The following RAB3GAP1 variants were observed in gnomAD, a reference collection of about 807,000 sequenced individuals.
The protein encoded by RAB3GAP1 is rab3 GTPase-activating protein catalytic subunit.
RAB3GAP1 carries 86 observed loss-of-function variants against 130.7 expected under a neutral mutation model. The observed-to-expected ratio is 0.66, with a 90% CI of 0.55 to 0.79. RAB3GAP1 has a LOEUF of 0.79. Among genes scored for constraint, RAB3GAP1 ranks in the 30% least tolerant of loss-of-function variants. The pLI is 0.00. For synonymous variants in RAB3GAP1, 367 were observed against 401.7 expected (o/e 0.91, Z 1.03); for missense variants, 1,029 against 1,169.4 (o/e 0.88, Z 1.75).
intron 17 of RAB3GAP1, among the ~76,000 whole-genome samples, chr2:135,144,233 A>G (rs1053975609): frequency 2.6e-5 from 4 of 152,182 alleles, no homozygotes; most frequent in African/African-American, 9.6e-5. Context: ...GTTGACAATC[A>G]AAGGGTAAGG....
intron 3 of RAB3GAP1, among the ~76,000 whole-genome samples, chr2:135,081,327 A>AAAAAAATAT (rs1363481112): frequency 1.2e-4 from 8 of 64,046 alleles, no homozygotes; most frequent in Admixed American, 5.7e-4. Context: ...AAAAAAAAAA[A>AAAAAAATAT]ATATATATAT....
Position 135,091,005 on chromosome 2 carries a change from T to C in RAB3GAP1, c.158T>C (p.Phe53Ser). ...TTTTATTGGTACATATAGGGTATAT[T>C]TACTTCTGGCACATGGGAAGAGAAA... ...SLGKPLEKGI[F>S]TSGTWEEKSD... Residue 53 changes from phenylalanine (F) to serine (S), a missense_variant, in exon 4 of 24, where the codon TTT (phenylalanine) becomes TCT (serine). Physicochemically the swap from Phe to Ser is radical, Grantham distance 155 (BLOSUM62 -2). Around this residue, in one of 3 missense-constraint regions of RAB3GAP1, gnomAD observed 510 missense variants for 532.1 expected, o/e 0.96. Transcript: ENST00000264158. 1 of 1,612,106 alleles carries C rather than the reference T, an allele frequency of 6.2e-7. No individual in the cohort carries two copies. Among genetic ancestry groups the C allele is most frequent in the Non-Finnish European group, 8.5e-7 (1 of 1,178,404 alleles).
intron 3 of RAB3GAP1, among the ~76,000 whole-genome samples, chr2:135,080,496 G>GC (rs1263423270): frequency 6.6e-6 from 1 of 152,144 alleles, no homozygotes; most frequent in African/African-American, 2.4e-5. Context: ...GCTAAGGTAG[G>GC]CCCAAGTGCC....
intron 5 of RAB3GAP1, among the ~76,000 whole-genome samples, chr2:135,107,116 A>G (rs1260643542): frequency 2.0e-5 from 3 of 151,336 alleles, no homozygotes; most frequent in Non-Finnish European, 4.4e-5. Context: ...AAAAAAAACC[A>G]CTGTTGACCA....
chr2:135,108,074 TTAAC>T (rs1460034728), intron 5 of RAB3GAP1, among the ~76,000 whole-genome samples: 2 of 151,974 alleles, frequency 1.3e-5, no homozygotes, highest in African/African-American at 4.8e-5. Flanking sequence ...CAAATATTGG[TTAAC>T]TTTTTGTTGT....
rs1033816076 is a variant in RAB3GAP1 at position 135,119,349 on chromosome 2, A to T, written c.649-1470A>T. ...GGTCTTGAACTCCTGATTTCAAATG[A>T]TCCACCCGCCTTGGCCTCCCAAAGT... On this transcript the variant is annotated intron_variant, in intron 7 of 23. Transcript: ENST00000264158. 6.6e-5 allele frequency among the ~76,000 whole-genome samples: 10 copies of T among 152,154 alleles called. 1 individual carries two copies. The highest frequency in any genetic ancestry group is 2.6e-4 in the Admixed American group (4 of 15,270).
intron 7 of RAB3GAP1, among the ~76,000 whole-genome samples, chr2:135,116,283 T>C (rs1311989024): frequency 6.6e-6 from 1 of 151,926 alleles, no homozygotes; most frequent in African/African-American, 2.4e-5. Context: ...TACAATGAAG[T>C]ATATCGATTA....
At chr2:135,134,368 A>G (rs1691625896) in intron 15 of RAB3GAP1, among the ~76,000 whole-genome samples, 1 of 152,256 alleles carries the variant, frequency 6.6e-6, no homozygotes, top group Non-Finnish European at 1.5e-5. Flanking sequence ...TAATGCATAT[A>G]CAAAGTACTT....
intron 3 of RAB3GAP1, among the ~76,000 whole-genome samples, chr2:135,067,012 A>T (rs1183865902): frequency 6.6e-6 from 1 of 152,224 alleles, no homozygotes; most frequent in East Asian, 1.9e-4. Flanking sequence ...TGGGAATGAC[A>T]CTTCAGTACT....
At chr2:135,167,826 C>A in intron 23 of RAB3GAP1, 1 of 857,592 alleles carries the variant, frequency 1.2e-6, no homozygotes, top group Non-Finnish European at 1.7e-6. Flanking sequence ...GCTTACCTAC[C>A]TTGCTGATGT....
intron 23 of RAB3GAP1, among the ~76,000 whole-genome samples, chr2:135,167,379 CTTT>C (rs112223600): frequency 3.6e-5 from 5 of 140,438 alleles, no homozygotes; most frequent in Admixed American, 7.1e-5. Flanking sequence ...GCCATGAACA[CTTT>C]TTTTTTTTTT....
chr2:135,110,430 T>C (rs1574119080), intron 5 of RAB3GAP1, among the ~76,000 whole-genome samples: 1 of 152,328 alleles, frequency 6.6e-6, no homozygotes, highest in East Asian at 1.9e-4. Context: ...CCACCACACC[T>C]GGCAAGGTAA....
intron 17 of RAB3GAP1, among the ~76,000 whole-genome samples, chr2:135,148,043 C>A (rs1692052596): frequency 1.3e-5 from 2 of 152,138 alleles, no homozygotes. Flanking sequence ...TAGTCTAAAT[C>A]TGGACTGACT....
intron 5 of RAB3GAP1, among the ~76,000 whole-genome samples, chr2:135,112,632 G>A (rs1452804465): frequency 6.6e-6 from 1 of 152,116 alleles, no homozygotes; most frequent in Non-Finnish European, 1.5e-5. Context: ...AGCGTTCTCA[G>A]CCCAGCCATT....
intron 2 of RAB3GAP1, among the ~76,000 whole-genome samples, chr2:135,053,022 A>C (rs958932944): frequency 6.6e-6 from 1 of 152,182 alleles, no homozygotes; most frequent in African/African-American, 2.4e-5. Context: ...ACAGAGTCTC[A>C]GTCTGTCCGC....
At chr2:135,097,388 G>GT (rs746826758) in intron 5 of RAB3GAP1, among the ~76,000 whole-genome samples, 8 of 151,894 alleles carry the variant, frequency 5.3e-5, no homozygotes, top group Non-Finnish European at 8.8e-5. Flanking sequence ...GCTAAGTTGG[G>GT]TTTTTTATTT....
At chr2:135,152,823 A>G (rs1692212269) in intron 18 of RAB3GAP1, 1 of 152,294 alleles carries the variant, frequency 6.6e-6, no homozygotes, top group African/African-American at 2.4e-5. Context: ...CTACTAGTAC[A>G]TCACTGGAAC....
rs886565419 is a variant in RAB3GAP1, at chr2:135,076,132, A to G, written c.151-14866A>G. On this transcript the variant is annotated intron_variant, in intron 3 of 23. Coordinates refer to ENST00000264158, the MANE Select transcript of RAB3GAP1 (RefSeq NM_012233.3). ...TCACAATGTTAGCTAGGATGTCTCG[A>G]TGATCTGACCTGCTGATCACCCGCC... 2.6e-5 allele frequency among the ~76,000 whole-genome samples: 4 copies of G among 151,728 alleles called. No homozygotes were observed. The East Asian group carries it at 5.8e-4, about 22-fold the overall frequency.
In RAB3GAP1 at chr2:135,133,958, A is replaced by C; in HGVS notation, c.1424A>C (p.Lys475Thr). 6.2e-7 allele frequency: 1 copy of C among 1,613,968 alleles called. No homozygotes were observed. Residue 475 changes from lysine to threonine, a missense_variant, in exon 15 of 24, where the codon AAA (lysine) becomes ACA (threonine). Lys to Thr is a moderately conservative substitution (Grantham distance 78, BLOSUM62 -1). Coordinates refer to ENST00000264158, the MANE Select transcript of RAB3GAP1 (RefSeq NM_012233.3). ...CMINFYHGGL[K>T]GVAHLWQEFV... is the part of the protein sequence containing the mutation. ...ATCAATTTTTACCATGGAGGGTTGA[A>C]AGGAGTGGCACACCTCTGGCAGGAA...
Sources: allele counts gnomAD v4.1 joint callset (sites outside exome capture counted in the v4.1 genomes callset), GRCh38; gene constraint gnomAD v4.1.1; regional missense constraint gnomAD v4.1.1; transcripts MANE v1.5; gene names NCBI Gene and HGNC (gene_info 2026-07-23, HGNC 2026-07-21).